The following RGSL1 variants were observed in gnomAD, a reference collection of about 807,000 sequenced individuals.
The protein encoded by RGSL1 is regulator of G protein signaling like 1.
In RGSL1, 97 loss-of-function variants were observed where a neutral mutation model predicts 124.7. The observed-to-expected ratio is 0.78, with a 90% CI of 0.66 to 0.92. The LOEUF is 0.92. RGSL1 is among the 40% of genes least tolerant of loss of function. The pLI is 0.00. For synonymous variants in RGSL1, 424 were observed against 438.1 expected, an observed-to-expected ratio of 0.97 and a Z score of 0.40; for missense variants, 1,233 against 1,288.4, an observed-to-expected ratio of 0.96 and a Z score of 0.66.
chr1:182,479,056 G>T lies in RGSL1; in HGVS notation c.1431+4514G>T, dbSNP rs546283607. On this transcript the variant is annotated intron_variant, in intron 6 of 21. Transcript: ENST00000294854. ...TCTTTCCCAAACAAAATATGAGTTT[G>T]TCACCACTAGACCTGCCTTACAAAA... Among the ~76,000 whole-genome samples, 6 of 152,284 alleles carry T rather than the reference G, an allele frequency of 3.9e-5. No individual in the cohort carries two copies. In the East Asian group the frequency reaches 1.2e-3, roughly 29 times the overall value.
intron 6 of RGSL1, 92 bp downstream of exon 6, chr1:182,474,634 A>G: frequency 7.0e-7 from 1 of 1,423,896 alleles, no homozygotes; most frequent in Non-Finnish European, 9.2e-7. Flanking sequence ...TGGCTAAGTG[A>G]CTATATAATT....
chr1:182,449,828 C>A (rs1651678049), upstream of RGSL1, among the ~76,000 whole-genome samples: 1 of 152,108 alleles, frequency 6.6e-6, no homozygotes, highest in East Asian at 1.9e-4. Context: ...CCCTTAGGAG[C>A]TGAGTTTAGC....
chr1:182,523,841 G>A (rs961311004), intron 10 of RGSL1, among the ~76,000 whole-genome samples: 1 of 152,170 alleles, frequency 6.6e-6, no homozygotes, highest in African/African-American at 2.4e-5. Flanking sequence ...ACCTTAAAAT[G>A]TTATGATAAC....
chr1:182,479,209 G>T (rs1447206781), intron 6 of RGSL1, among the ~76,000 whole-genome samples: 1 of 152,130 alleles, frequency 6.6e-6, no homozygotes, highest in Non-Finnish European at 1.5e-5. Context: ...CTGTAATATT[G>T]TGATAAAGGT....
At chr1:182,533,296 CTTTTTTT>C (rs71573276) in intron 14 of RGSL1, among the ~76,000 whole-genome samples, 2 of 107,704 alleles carry the variant, frequency 1.9e-5, no homozygotes, top group African/African-American at 4.4e-5. Flanking sequence ...TAACTTGCTT[CTTTTTTT>C]TTTTTTTTTT....
chr1:182,458,569 A>G (rs1652542977), intron 3 of RGSL1, among the ~76,000 whole-genome samples, 176 bp downstream of exon 3: 1 of 152,156 alleles, frequency 6.6e-6, no homozygotes, highest in African/African-American at 2.4e-5. Flanking sequence ...TCCCTGGCTC[A>G]AGCAATCCTC....
chr1:182,541,561 A>G (rs1000668332), intron 15 of RGSL1, among the ~76,000 whole-genome samples: 4 of 152,154 alleles, frequency 2.6e-5, no homozygotes, highest in African/African-American at 7.2e-5. Flanking sequence ...TCTCTTCAAC[A>G]TACTCATTTT....
chr1:182,523,202 T>TTTTC (rs1345421473), intron 10 of RGSL1, among the ~76,000 whole-genome samples: 1 of 147,422 alleles, frequency 6.8e-6, no homozygotes, highest in African/African-American at 2.5e-5. Flanking sequence ...ATGCCTGTTT[T>TTTTC]TTTTTCTTTT....
rs1655662767 is a variant in RGSL1 at position 182,493,198 on chromosome 1, C to T, written c.1825+69C>T. 7.3e-6 allele frequency: 8 copies of T among 1,098,610 alleles called. No individual in the cohort carries two copies. In the South Asian group the frequency reaches 9.6e-5, roughly 13 times the overall value. The allele number at this position is 1,098,610 out of a possible 1,614,324, so 68.1% of individuals were successfully genotyped here. On this transcript the variant is annotated intron_variant, in intron 9 of 21. Coordinates refer to ENST00000294854, the MANE Select transcript of RGSL1 (RefSeq NM_001137669.2). ...TCAAATCTAAGAGAAAATCTGTAAT[C>T]TTGTGTTCTTTAAGGAACATAAGCC...
rs116115959 is a variant in RGSL1, at chr1:182,542,925, A to C, written c.2669+2504A>C. On this transcript the variant is annotated intron_variant, in intron 15 of 21. Transcript: ENST00000294854. ...ATTTTTTATTCTGCAACTTTACTGA[A>C]TGTCTGAGTTCTAATAGGCTGTTGG... Among the ~76,000 whole-genome samples, 1,466 of 152,166 alleles carry C rather than the reference A, an allele frequency of 9.6e-3. 27 individuals are homozygous for C. The highest frequency in any genetic ancestry group is 0.034 in the African/African-American group (1,418 of 41,538).
chr1:182,495,255 T>C (rs1655828191), intron 9 of RGSL1, among the ~76,000 whole-genome samples: 1 of 152,160 alleles, frequency 6.6e-6, no homozygotes, highest in South Asian at 2.1e-4. Flanking sequence ...TAGAACTCTG[T>C]CCATGAGCTC....
intron 7 of RGSL1, 74 bp downstream of exon 7, chr1:182,488,421 G>A (rs182819139): frequency 7.7e-7 from 1 of 1,301,330 alleles, no homozygotes; most frequent in Admixed American, 2.0e-5. Flanking sequence ...GTTTTAAAAG[G>A]GTTATGTGTT....
intron 11 of RGSL1, among the ~76,000 whole-genome samples, chr1:182,529,111 G>C (rs1031885627): frequency 2.6e-5 from 4 of 152,164 alleles, no homozygotes; most frequent in African/African-American, 9.7e-5. Context: ...TGGGGACACA[G>C]AGCCAAACTA....
chr1:182,490,759 T>A (rs1311782859), intron 8 of RGSL1, among the ~76,000 whole-genome samples: 1 of 152,230 alleles, frequency 6.6e-6, no homozygotes, highest in East Asian at 1.9e-4. Context: ...CCAAAGCACA[T>A]ATCATTACTT....
In RGSL1 at chr1:182,553,437, G is replaced by C; in HGVS notation, c.3044-18G>C. 1.3e-6 allele frequency: 2 copies of C among 1,549,510 alleles called. No individual in the cohort carries two copies. Among genetic ancestry groups the C allele is most frequent in the Non-Finnish European group, 1.7e-6 (2 of 1,145,272 alleles). On this transcript the variant is annotated intron_variant, in intron 18 of 21. Coordinates refer to ENST00000294854, the MANE Select transcript of RGSL1 (RefSeq NM_001137669.2). ...GTTGTCGCAGGTGTTTTTAATGCTT[G>C]TTTTTGTCCTTCCCCAGGAGACAAT...
intron 9 of RGSL1, among the ~76,000 whole-genome samples, chr1:182,496,517 C>A (rs143123035): frequency 7.2e-5 from 11 of 152,242 alleles, no homozygotes; most frequent in Non-Finnish European, 5.9e-5. Context: ...TGGCCTTACT[C>A]CAGAAATTTA....
At chr1:182,448,985 C>T (rs1651635878), upstream of RGSL1, among the ~76,000 whole-genome samples, 1 of 152,010 alleles carries the variant, frequency 6.6e-6, no homozygotes, top group Admixed American at 6.6e-5. Context: ...ACTGTATATG[C>T]CATTATTTTA....
intron 4 of RGSL1, among the ~76,000 whole-genome samples, chr1:182,467,172 G>A (rs368357376): frequency 1.8e-4 from 27 of 152,168 alleles, no homozygotes; most frequent in East Asian, 7.7e-4. Context: ...AATCAATATC[G>A]TGAAAATGGC....
upstream of RGSL1, chr1:182,448,213 T>C (rs1347282445): frequency 1.3e-5 from 2 of 153,634 alleles, no homozygotes; most frequent in East Asian, 3.8e-4. Flanking sequence ...TTTGTTTGTT[T>C]GTTTGTTTGT....
Sources: gnomAD v4.1 joint callset for allele counts (sites outside exome capture counted in the v4.1 genomes callset) on GRCh38, gnomAD v4.1.1 for gene constraint, MANE v1.5 for transcripts, NCBI Gene and HGNC (gene_info 2026-07-23, HGNC 2026-07-21) for gene names.